PALD1: variants seen among roughly 807,000 people sequenced by gnomAD.
PALD1 encodes phosphatase domain containing paladin 1.
A neutral mutation model predicts 96.0 loss-of-function variants in PALD1; 57 were observed. That is an observed-to-expected ratio of 0.59 (90% CI 0.48 to 0.74). The LOEUF is 0.74. PALD1 is among the 30% of genes least tolerant of loss of function. The pLI, the probability that PALD1 is intolerant of heterozygous loss-of-function variation, is 0.00. For missense variants in PALD1, 1,063 were observed against 1,143.7 expected (o/e 0.93, Z 1.02); for synonymous variants, 464 against 473.6 (o/e 0.98, Z 0.26).
intron 19 of PALD1, among the ~76,000 whole-genome samples, chr10:70,566,226 C>T (rs548475599): frequency 3.9e-5 from 6 of 152,180 alleles, no homozygotes; most frequent in Admixed American, 2.0e-4. Flanking sequence ...GCCCCTGCAT[C>T]CACGTTCTTC....
At chr10:70,528,331 G>T (rs1217719006) in intron 2 of PALD1, among the ~76,000 whole-genome samples, 1 of 152,120 alleles carries the variant, frequency 6.6e-6, no homozygotes, top group Non-Finnish European at 1.5e-5. Context: ...TTTATCTGTG[G>T]GTTTTGTTTG....
intron 1 of PALD1, among the ~76,000 whole-genome samples, chr10:70,489,828 C>T (rs996820342): frequency 7.9e-5 from 12 of 152,302 alleles, no homozygotes; most frequent in Non-Finnish European, 1.6e-4. Context: ...ACCCCCAGCC[C>T]GCTAGCATGC....
intron 1 of PALD1, among the ~76,000 whole-genome samples, chr10:70,489,093 G>A (rs1041788990): frequency 2.6e-5 from 4 of 152,176 alleles, no homozygotes; most frequent in African/African-American, 7.2e-5. Context: ...ACAGAAGAGG[G>A]ACCCTTGGGG....
At chr10:70,546,618 T>G (rs1316391257) in intron 17 of PALD1, among the ~76,000 whole-genome samples, 1 of 152,234 alleles carries the variant, frequency 6.6e-6, no homozygotes, top group Non-Finnish European at 1.5e-5. Flanking sequence ...TTATCAACAC[T>G]TGAAAATACT....
rs913946035 is a variant in PALD1 at position 70,487,522 on chromosome 10, T to G, written c.-30+8463T>G. The stretch of plus-strand genomic sequence containing the variant: ...TTTTTTAAACTGAGGTGAAATCCAT[T>G]TAAATAAAATAAACCATTTTAAAGC... On this transcript the variant is annotated intron_variant, in intron 1 of 19. Coordinates refer to ENST00000263563, the MANE Select transcript of PALD1 (RefSeq NM_014431.3). 9.2e-5 allele frequency among the ~76,000 whole-genome samples: 14 copies of G among 152,020 alleles called. No individual in the cohort carries two copies. In the East Asian group the frequency reaches 2.7e-3, roughly 29 times the overall value.
rs552917731 is a variant in PALD1 at position 70,481,167 on chromosome 10, G to A, written c.-30+2108G>A. On this transcript the variant is annotated intron_variant, in intron 1 of 19. Coordinates refer to ENST00000263563, the MANE Select transcript of PALD1 (RefSeq NM_014431.3). Reference sequence around the variant, plus strand: ...AAAGACTCGGAGCCACAGGGAAGCCGCTCAAGTGCCTGGGCAGAATGGAGT... The same window carrying A: ...AAAGACTCGGAGCCACAGGGAAGCCACTCAAGTGCCTGGGCAGAATGGAGT... Among the ~76,000 whole-genome samples the A allele has an allele frequency of 2.2e-3, 342 of 152,332 alleles. 3 individuals carry two copies. Among genetic ancestry groups the A allele is most frequent in the African/African-American group, 7.8e-3 (326 of 41,562 alleles).
Position 70,556,942 on chromosome 10 carries a change from G to C in PALD1, c.2263-7422G>C, listed in dbSNP as rs926555338. Among the ~76,000 whole-genome samples, 8 of 152,206 alleles carry C rather than the reference G, an allele frequency of 5.3e-5. No individual in the cohort carries two copies. In the East Asian group the frequency reaches 1.3e-3, roughly 26 times the overall value. ...AAACCCTGACTCCAGGACCCTGCCT[G>C]GCACAAGTAGGGGCTCCACAAATGT... On this transcript the variant is annotated intron_variant, in intron 18 of 19. Coordinates refer to ENST00000263563, the MANE Select transcript of PALD1 (RefSeq NM_014431.3).
chr10:70,546,663 C>A (rs554337878), intron 17 of PALD1, among the ~76,000 whole-genome samples: 18 of 152,304 alleles, frequency 1.2e-4, no homozygotes, highest in African/African-American at 3.8e-4. Context: ...CAATTTGCCT[C>A]CAAATTTTAA....
At chr10:70,560,962 A>C (rs941287469) in intron 18 of PALD1, among the ~76,000 whole-genome samples, 1 of 152,158 alleles carries the variant, frequency 6.6e-6, no homozygotes, top group African/African-American at 2.4e-5. Flanking sequence ...TAAGGAAACC[A>C]GGGCCTTGAT....
At chr10:70,471,000 A>G in the PALD1 span, among the ~76,000 whole-genome samples, 1 of 145,252 alleles carries the variant, frequency 6.9e-6, no homozygotes, top group Non-Finnish European at 1.5e-5. Context: ...TGGTACTTTT[A>G]GTAGAGACGG....
At chr10:70,547,270 G>C (rs748098954) in intron 17 of PALD1, 36 bp from the exon 18 acceptor site, 1 of 1,609,324 alleles carries the variant, frequency 6.2e-7, no homozygotes, top group Non-Finnish European at 8.5e-7. Context: ...GCTCTTACCA[G>C]TTTTATGTCT....
intron 1 of PALD1, among the ~76,000 whole-genome samples, chr10:70,520,681 C>CT (rs1846713051): frequency 9.9e-6 from 1 of 101,360 alleles, no homozygotes; most frequent in Non-Finnish European, 2.0e-5. Flanking sequence ...TCTTTTCTTT[C>CT]TTTCTTTTTT....
intron 18 of PALD1, among the ~76,000 whole-genome samples, chr10:70,553,864 G>T (rs545549892): frequency 4.6e-5 from 7 of 152,222 alleles, no homozygotes; most frequent in Non-Finnish European, 1.5e-5. Context: ...GACTGACCAG[G>T]AGAAGGACAA....
At chr10:70,466,147 CT>C in the PALD1 span, among the ~76,000 whole-genome samples, 10 of 152,032 alleles carry the variant, frequency 6.6e-5, no homozygotes, top group Non-Finnish European at 1.3e-4. Flanking sequence ...GTGAGGAGGC[CT>C]TTTGTTGGAG....
intron 1 of PALD1, among the ~76,000 whole-genome samples, chr10:70,508,147 C>A (rs759198831): frequency 6.6e-6 from 1 of 152,192 alleles, no homozygotes; most frequent in Non-Finnish European, 1.5e-5. Context: ...TCTTTTCTGT[C>A]GCTGGAGGAA....
chr10:70,561,172 C>T (rs867771096), intron 18 of PALD1, among the ~76,000 whole-genome samples: 8 of 152,350 alleles, frequency 5.3e-5, no homozygotes, highest in Admixed American at 3.3e-4. Flanking sequence ...AATCCTTACC[C>T]GTGTCTCTTG....
the PALD1 span, among the ~76,000 whole-genome samples, chr10:70,469,412 T>C: frequency 6.6e-6 from 1 of 152,180 alleles, no homozygotes; most frequent in Non-Finnish European, 1.5e-5. Context: ...GGACCGTGAA[T>C]GCTTATCTCA....
At chr10:70,521,851 G>A (rs1313356293) in intron 1 of PALD1, among the ~76,000 whole-genome samples, 1 of 150,724 alleles carries the variant, frequency 6.6e-6, no homozygotes. Flanking sequence ...TTTTTTTTGT[G>A]CCAAGGACCC....
chr10:70,510,774 G>A (rs977823477), intron 1 of PALD1, among the ~76,000 whole-genome samples: 1 of 152,248 alleles, frequency 6.6e-6, no homozygotes, highest in Admixed American at 6.5e-5. Context: ...CCATTTTGGA[G>A]CAGTAGAGGC....
Sources: allele counts gnomAD v4.1 joint callset (sites outside exome capture counted in the v4.1 genomes callset), GRCh38; gene constraint gnomAD v4.1.1; transcripts MANE v1.5; gene names NCBI Gene and HGNC (gene_info 2026-07-23, HGNC 2026-07-21).